Variants in TBCK observed in about 807,000 individuals in gnomAD.
The protein encoded by TBCK is TBC1 domain containing kinase.
Under a neutral mutation model 113.4 loss-of-function variants are expected in TBCK, and 99 were observed. The observed-to-expected ratio is 0.87, with a 90% CI of 0.74 to 1.03. TBCK has a LOEUF of 1.03. TBCK is among the 50% of genes least tolerant of loss of function. The probability of loss-of-function intolerance (pLI) is 0.00; values close to 1 mark genes in which losing one functional copy is unlikely to be tolerated. For synonymous variants in TBCK, 369 were observed against 370.8 expected (o/e 1.00, Z 0.05); for missense variants, 1,045 against 1,061.3 (o/e 0.98, Z 0.21).
At chr4:106,190,712 A>G (rs1753559138) in intron 22 of TBCK, among the ~76,000 whole-genome samples, 1 of 152,100 alleles carries the variant, frequency 6.6e-6, no homozygotes, top group Non-Finnish European at 1.5e-5. Flanking sequence ...AACACATTCA[A>G]TCTAAACATA....
At chr4:106,162,127 T>C (rs528061174) in intron 23 of TBCK, among the ~76,000 whole-genome samples, 2 of 152,136 alleles carry the variant, frequency 1.3e-5, no homozygotes, top group Non-Finnish European at 2.9e-5. Context: ...CCCATTCCAA[T>C]TGGGAGAAAT....
intron 20 of TBCK, among the ~76,000 whole-genome samples, chr4:106,205,482 G>A (rs908506779): frequency 1.3e-5 from 2 of 148,310 alleles, no homozygotes; most frequent in African/African-American, 2.5e-5. Flanking sequence ...AGTGGATCAC[G>A]CTTGTAATCC....
intron 19 of TBCK, among the ~76,000 whole-genome samples, chr4:106,225,685 C>A (rs1758163698): frequency 6.6e-6 from 1 of 151,984 alleles, no homozygotes; most frequent in Non-Finnish European, 1.5e-5. Flanking sequence ...TCTCGAACTC[C>A]TGACGTCGTG....
At chr4:106,128,116 T>G (rs962822421) in intron 23 of TBCK, among the ~76,000 whole-genome samples, 1 of 152,184 alleles carries the variant, frequency 6.6e-6, no homozygotes, top group Admixed American at 6.5e-5. Context: ...GAATGAAAGA[T>G]GATTCAATAT....
chr4:106,302,522 G>A (rs574744528), intron 2 of TBCK, among the ~76,000 whole-genome samples: 3 of 152,158 alleles, frequency 2.0e-5, no homozygotes, highest in Admixed American at 1.3e-4. Flanking sequence ...TGTCAATTGA[G>A]AAAAGGAGGC....
At chr4:106,167,992 C>G (rs911155527) in intron 23 of TBCK, among the ~76,000 whole-genome samples, 1 of 151,724 alleles carries the variant, frequency 6.6e-6, no homozygotes, top group Admixed American at 6.6e-5. Context: ...CGAATATGTC[C>G]TAACTCATTC....
chr4:106,256,526 C>T (rs1579417445), intron 5 of TBCK, among the ~76,000 whole-genome samples: 2 of 152,160 alleles, frequency 1.3e-5, no homozygotes, highest in African/African-American at 4.8e-5. Context: ...TACAGGGAGC[C>T]GGGAGAGGCC....
At chr4:106,212,374 T>C (rs887817379) in intron 20 of TBCK, among the ~76,000 whole-genome samples, 1 of 152,150 alleles carries the variant, frequency 6.6e-6, no homozygotes, top group African/African-American at 2.4e-5. Context: ...AAAATCTATC[T>C]AAGCTCCCAA....
intron 23 of TBCK, among the ~76,000 whole-genome samples, chr4:106,135,211 A>G (rs1475390301): frequency 1.3e-5 from 2 of 151,652 alleles, no homozygotes; most frequent in Admixed American, 6.6e-5. Flanking sequence ...AAACTATACA[A>G]TAATAATAGA....
Position 106,147,851 on chromosome 4 carries a change from C to A in TBCK, c.2235+23244G>T, listed in dbSNP as rs554903301. ...AAACTCTGACCACCAGTGAGCCAGG[C>A]AGAACAGAGTCATATTTCTCTTCTT... On this transcript the variant is annotated intron_variant, in intron 23 of 25. Transcript: ENST00000394708. 2.6e-5 allele frequency among the ~76,000 whole-genome samples: 4 copies of A among 152,324 alleles called. No individual in the cohort carries two copies. The South Asian group carries it at 8.3e-4, about 32-fold the overall frequency.
intron 25 of TBCK, among the ~76,000 whole-genome samples, chr4:106,052,121 T>C (rs564675635): frequency 6.6e-6 from 1 of 151,996 alleles, no homozygotes; most frequent in South Asian, 2.1e-4. Flanking sequence ...AATAGCATTA[T>C]ATAAGGTATA....
chr4:106,178,419 G>C (rs546555747), intron 22 of TBCK, among the ~76,000 whole-genome samples: 1 of 151,956 alleles, frequency 6.6e-6, no homozygotes, highest in South Asian at 2.1e-4. Context: ...AAGCCTGTTG[G>C]TTTTTCCCTA....
intron 22 of TBCK, among the ~76,000 whole-genome samples, chr4:106,192,072 A>G (rs1366423865): frequency 1.3e-5 from 2 of 152,178 alleles, no homozygotes; most frequent in African/African-American, 4.8e-5. Context: ...TTTTAAAGAC[A>G]TAGAATAATT....
In TBCK at chr4:106,192,497, A is replaced by G. The variant is rs192876927; in HGVS notation, c.2059+1112T>C. On this transcript the variant is annotated intron_variant, in intron 22 of 25. Coordinates refer to ENST00000394708, the MANE Select transcript of TBCK (RefSeq NM_001163435.3). The stretch of plus-strand genomic sequence containing the variant: ...AATCTCCCAGAAAAAAATATGACCT[A>G]AACTATTCATTCATAGTAAGAAATA... 3.9e-5 allele frequency among the ~76,000 whole-genome samples: 6 copies of G among 152,238 alleles called. No homozygotes were observed. In the East Asian group the frequency reaches 1.2e-3, roughly 29 times the overall value.
At chr4:106,184,362 T>C (rs1019095673) in intron 22 of TBCK, among the ~76,000 whole-genome samples, 2 of 152,018 alleles carry the variant, frequency 1.3e-5, no homozygotes, top group Admixed American at 1.3e-4. Context: ...TTGAATTATC[T>C]AACTGAAAAT....
intron 10 of TBCK, 48 bp downstream of exon 10, chr4:106,247,090 CT>C: frequency 6.4e-7 from 1 of 1,565,236 alleles, no homozygotes; most frequent in Non-Finnish European, 8.6e-7. Context: ...AAGGAAACTT[CT>C]TTAAAAACAA....
chr4:106,248,029 G>C (rs1761023226), intron 9 of TBCK: 1 of 367,666 alleles, frequency 2.7e-6, no homozygotes, highest in Non-Finnish European at 4.9e-6. Flanking sequence ...CTTCTTTAGT[G>C]TATGTCAGTT....
chr4:106,047,816 C>A (rs942889324), intron 25 of TBCK, among the ~76,000 whole-genome samples: 1 of 152,072 alleles, frequency 6.6e-6, no homozygotes, highest in East Asian at 1.9e-4. Context: ...TGGCCCTTTG[C>A]CTATTTTATC....
chr4:106,262,195 C>T lies in TBCK; in HGVS notation c.284G>A (p.Cys95Tyr), dbSNP rs758640117. 23 of 1,545,156 alleles carry T rather than the reference C, an allele frequency of 1.5e-5. 1 individual carries two copies. In the South Asian group the frequency reaches 2.5e-4, roughly 17 times the overall value. Reference sequence around the variant, plus strand: ...GCCCTGAAGAACCTCAAATGCTATACACAAAACCGTTGAACAGCTACAAAG... The same window carrying T: ...GCCCTGAAGAACCTCAAATGCTATATACAAAACCGTTGAACAGCTACAAAG... ...RKPVSCSTVL[C>Y]IAFEVLQGLQ... The change falls in exon 4 of 26, where the codon TGT becomes TAT. Residue 95 changes from cysteine to tyrosine, a missense_variant. Transcript: ENST00000394708.
Sources: gnomAD v4.1 joint callset for allele counts (sites outside exome capture counted in the v4.1 genomes callset) on GRCh38, gnomAD v4.1.1 for gene constraint, MANE v1.5 for transcripts, NCBI Gene and HGNC (gene_info 2026-07-23, HGNC 2026-07-21) for gene names.